The following C11orf97 variants were observed in gnomAD, a reference collection of about 807,000 sequenced individuals.
The protein encoded by C11orf97 is uncharacterized protein C11orf97.
Under a neutral mutation model 16.2 loss-of-function variants are expected in C11orf97, and 15 were observed. The ratio of observed to expected loss-of-function variants is 0.93; its 90% CI spans 0.62 to 1.43. The LOEUF (loss-of-function observed/expected upper bound fraction) is 1.43. C11orf97 is among the 40% of genes most tolerant of loss of function. The pLI, the probability that C11orf97 is intolerant of heterozygous loss-of-function variation, is 0.00. For missense variants in C11orf97, 171 were observed against 161.2 expected (o/e 1.06, Z -0.33); for synonymous variants, 61 against 65.7 (o/e 0.93, Z 0.34).
rs770629852 is a variant in C11orf97 at position 94,528,167 on chromosome 11, T to C, written c.334T>C (p.Leu112=). Residue 112 remains leucine (L), a synonymous_variant, in exon 3 of 4, where the codon TTG becomes CTG. Transcript: ENST00000542198. ...KPGLPSRNSL[L]PQAKYYSRHG... The stretch of plus-strand genomic sequence containing the variant: ...AGGACTGCCGAGCAGAAACAGTTTA[T>C]TGCCACAAGCCAAGTACTACTCCAG... The C allele has an allele frequency of 4.9e-5, 76 of 1,535,866 alleles. No homozygotes were observed. The highest frequency in any genetic ancestry group is 6.5e-5 in the Non-Finnish European group (75 of 1,146,826).
rs945094148 is a variant in C11orf97 at position 94,531,544 on chromosome 11, A to C, written c.377-352A>C. Among the ~76,000 whole-genome samples, 86 of 145,438 alleles carry C rather than the reference A, an allele frequency of 5.9e-4. 1 individual carries two copies. Among genetic ancestry groups the C allele is most frequent in the African/African-American group, 2.1e-3 (86 of 40,056 alleles). On this transcript the variant is annotated intron_variant, in intron 3 of 3. Coordinates refer to ENST00000542198, the MANE Select transcript of C11orf97 (RefSeq NM_001190462.2). ...AACAAGCCAAAAAAAAAAAAAAAAA[A>C]AAAAGCATTGTCTAGTCTGGTGCTA... is the stretch of plus-strand genomic sequence containing the variant.
chr11:94,512,615 G>A lies in C11orf97; in HGVS notation c.87G>A (p.Gly29=). 7.9e-7 allele frequency: 1 copy of A among 1,267,496 alleles called. No individual in the cohort carries two copies. The highest frequency in any genetic ancestry group is 4.1e-5 in the Admixed American group (1 of 24,114). 78.5% of individuals were successfully genotyped at this position (1,267,496 alleles called of 1,614,324 possible). ...AGGAGCAGCCTCCTCCGCCAGCAGG[G>A]CTGGGGTGCGGGGCGCGCGGGGAAC... The part of the protein sequence containing the change: ...REEEQPPPPA[G]LGCGARGEPG... The change falls in exon 1 of 4, where the codon GGG becomes GGA. Residue 29 remains glycine (G), a synonymous_variant. Coordinates refer to ENST00000542198, the MANE Select transcript of C11orf97 (RefSeq NM_001190462.2).
intron 2 of C11orf97, 78 bp downstream of exon 2, chr11:94,517,765 A>G: frequency 1.0e-6 from 1 of 957,848 alleles, no homozygotes; most frequent in Non-Finnish European, 1.5e-6. Context: ...ATTTTATTAT[A>G]AAACCATACT....
chr11:94,517,537 G>T, intron 1 of C11orf97, 46 bp from the exon 2 acceptor site: 2 of 1,130,112 alleles, frequency 1.8e-6, no homozygotes, highest in Non-Finnish European at 1.2e-6. Context: ...CTAGAAGATT[G>T]GGCAGTATTT....
intron 2 of C11orf97, among the ~76,000 whole-genome samples, chr11:94,524,627 T>G (rs1025112696): frequency 6.7e-6 from 1 of 148,412 alleles, no homozygotes; most frequent in Non-Finnish European, 1.5e-5. Context: ...TCTCATCAGA[T>G]CTTTTAATCA....
chr11:94,524,335 T>G (rs977263000), intron 2 of C11orf97, among the ~76,000 whole-genome samples: 4 of 152,166 alleles, frequency 2.6e-5, no homozygotes, highest in African/African-American at 9.7e-5. Context: ...TATTAGCCAT[T>G]GGGTTCTTCT....
At chr11:94,522,461 C>T (rs1034390216) in intron 2 of C11orf97, among the ~76,000 whole-genome samples, 52 of 152,206 alleles carry the variant, frequency 3.4e-4, no homozygotes, top group Non-Finnish European at 6.0e-4. Context: ...GGCGTGAACC[C>T]GGGAGGTGGA....
intron 1 of C11orf97, 104 bp from the exon 2 acceptor site, chr11:94,517,479 A>G (rs1235750806): frequency 1.2e-5 from 7 of 570,016 alleles, no homozygotes; most frequent in African/African-American, 1.9e-5. Flanking sequence ...ATTTGTATGG[A>G]ATAACATGTC....
intron 2 of C11orf97, among the ~76,000 whole-genome samples, chr11:94,526,987 C>A (rs907292590): frequency 1.3e-5 from 2 of 152,128 alleles, no homozygotes; most frequent in Non-Finnish European, 2.9e-5. Flanking sequence ...TCTCCCTGTA[C>A]AAAAATAGCT....
chr11:94,519,397 C>T (rs1375618572), intron 2 of C11orf97, among the ~76,000 whole-genome samples: 1 of 152,058 alleles, frequency 6.6e-6, no homozygotes, highest in Non-Finnish European at 1.5e-5. Context: ...TGGGAAGCCC[C>T]GCCTACATGT....
chr11:94,528,039 A>G (rs895591409), intron 2 of C11orf97, 45 bp from the exon 3 acceptor site: 1 of 1,480,096 alleles, frequency 6.8e-7, no homozygotes, highest in Admixed American at 2.4e-5. Flanking sequence ...TGCTAAAAAG[A>G]GAATACGCTA....
chr11:94,522,923 A>G (rs72980453), intron 2 of C11orf97, among the ~76,000 whole-genome samples: 26,792 of 152,130 alleles, frequency 0.18, 2,768 homozygotes, highest in East Asian at 0.28. Context: ...CCATCAAGGC[A>G]CCATTTGTAT....
intron 1 of C11orf97, 81 bp from the exon 2 acceptor site, chr11:94,517,502 A>T: frequency 1.4e-6 from 1 of 722,704 alleles, no homozygotes; most frequent in Non-Finnish European, 2.1e-6. Context: ...CTTTTAAAAA[A>T]ATTGTTATCA....
At chr11:94,527,985 C>A in intron 2 of C11orf97, 99 bp from the exon 3 acceptor site, 1 of 1,195,232 alleles carries the variant, frequency 8.4e-7, no homozygotes, top group Non-Finnish European at 1.1e-6. Context: ...AACCCCCACC[C>A]AAATAAATAA....
intron 3 of C11orf97, among the ~76,000 whole-genome samples, chr11:94,529,639 C>T (rs543021896): frequency 6.6e-5 from 10 of 152,318 alleles, no homozygotes; most frequent in Non-Finnish European, 1.2e-4. Flanking sequence ...GAACTACAAA[C>T]CCATGTCCAT....
At chr11:94,531,661 C>G (rs1205583931) in intron 3 of C11orf97, among the ~76,000 whole-genome samples, 1 of 151,772 alleles carries the variant, frequency 6.6e-6, no homozygotes, top group East Asian at 1.9e-4. Flanking sequence ...TTCTGTATTT[C>G]CATCCAGCTC....
At chr11:94,527,730 A>G (rs535017074) in intron 2 of C11orf97, among the ~76,000 whole-genome samples, 17 of 152,178 alleles carry the variant, frequency 1.1e-4, no homozygotes, top group Non-Finnish European at 1.9e-4. Context: ...ATTTTCTCTT[A>G]CTGTAGGAAT....
At chr11:94,521,563 A>T (rs1947657529) in intron 2 of C11orf97, among the ~76,000 whole-genome samples, 1 of 151,900 alleles carries the variant, frequency 6.6e-6, no homozygotes, top group Non-Finnish European at 1.5e-5. Flanking sequence ...TCAGGATGTA[A>T]CTCCGTCGTA....
At chr11:94,528,278 TA>T in intron 3 of C11orf97, 69 bp downstream of exon 3, 12 of 1,348,456 alleles carry the variant, frequency 8.9e-6, no homozygotes, top group Non-Finnish European at 1.2e-5. Context: ...AAACCAGTGG[TA>T]TATGCTCTGT....
Sources: allele counts gnomAD v4.1 joint callset (sites outside exome capture counted in the v4.1 genomes callset), GRCh38; gene constraint gnomAD v4.1.1; transcripts MANE v1.5; gene names NCBI Gene and HGNC (gene_info 2026-07-23, HGNC 2026-07-21).